VPS13B: variants seen among roughly 807,000 people sequenced by gnomAD.
VPS13B encodes vacuolar protein sorting 13 homolog B.
Under a neutral mutation model 426.4 loss-of-function variants are expected in VPS13B, and 285 were observed. That is an observed-to-expected ratio of 0.67 (90% CI 0.61 to 0.74). The LOEUF (loss-of-function observed/expected upper bound fraction) is 0.74. Ranked by LOEUF, VPS13B falls within the 30% of genes least tolerant of loss-of-function variation. The pLI is 0.00. For missense variants in VPS13B, 4,537 were observed against 4,782.6 expected, an observed-to-expected ratio of 0.95 and a Z score of 1.51; for synonymous variants, 1,676 against 1,676.4, an observed-to-expected ratio of 1.00 and a Z score of 0.01.
chr8:99,561,497 T>G lies in VPS13B; in HGVS notation c.4949+4844T>G, dbSNP rs185624388. 2.7e-3 allele frequency among the ~76,000 whole-genome samples: 415 copies of G among 152,312 alleles called. 1 individual carries two copies. Among genetic ancestry groups the G allele is most frequent in the Non-Finnish European group, 5.0e-3 (341 of 68,026 alleles). On this transcript the variant is annotated intron_variant, in intron 31 of 61. Transcript: ENST00000357162. ...CAACTTTATGATGATGCAAAAATAATAATGCATTCAGTAGAAACTGTACTT... is the reference window on the plus strand; with the variant it reads ...CAACTTTATGATGATGCAAAAATAAGAATGCATTCAGTAGAAACTGTACTT...
In VPS13B at chr8:99,383,501, A is replaced by C. The variant is rs985559190; in HGVS notation, c.2825-707A>C. Among the ~76,000 whole-genome samples, 6 of 152,214 alleles carry C rather than the reference A, an allele frequency of 3.9e-5. No homozygotes were observed. In the East Asian group the frequency reaches 1.2e-3, roughly 29 times the overall value. On this transcript the variant is annotated intron_variant, in intron 19 of 61. Coordinates refer to ENST00000357162, the MANE Select transcript of VPS13B (RefSeq NM_152564.5). Reference sequence around the variant, plus strand: ...TGAGATGTAATTCACTTTCTATACAATTATTTTATATTGTGTGATTCAATG... The same window carrying C: ...TGAGATGTAATTCACTTTCTATACACTTATTTTATATTGTGTGATTCAATG...
chr8:99,866,152 G>C (rs1002020670), intron 58 of VPS13B, among the ~76,000 whole-genome samples: 8 of 152,350 alleles, frequency 5.3e-5, no homozygotes, highest in African/African-American at 1.9e-4. Flanking sequence ...CAGCAGACAA[G>C]TCTTGGGATC....
chr8:99,738,135 A>G (rs1478262218), intron 39 of VPS13B, among the ~76,000 whole-genome samples: 1 of 152,216 alleles, frequency 6.6e-6, no homozygotes, highest in Non-Finnish European at 1.5e-5. Flanking sequence ...AAACATACAT[A>G]AGAGTACATT....
At chr8:99,242,820 T>A (rs1305598662) in intron 17 of VPS13B, among the ~76,000 whole-genome samples, 3 of 152,194 alleles carry the variant, frequency 2.0e-5, no homozygotes, top group Non-Finnish European at 2.9e-5. Flanking sequence ...TTGTAAATAG[T>A]TTGTAATGCC....
chr8:99,028,358 C>T (rs1273090064), intron 2 of VPS13B, among the ~76,000 whole-genome samples: 3 of 150,810 alleles, frequency 2.0e-5, no homozygotes, highest in Non-Finnish European at 4.5e-5. Context: ...CCCCCACCTC[C>T]CTCCCGGATG....
intron 33 of VPS13B, among the ~76,000 whole-genome samples, chr8:99,618,215 A>G (rs1490959691): frequency 1.3e-5 from 2 of 151,698 alleles, no homozygotes; most frequent in Non-Finnish European, 2.9e-5. Context: ...AAGCCTTGAT[A>G]CCAGTAAGCA....
chr8:99,198,846 C>T (rs942901647), intron 17 of VPS13B, among the ~76,000 whole-genome samples: 5 of 151,322 alleles, frequency 3.3e-5, no homozygotes, highest in African/African-American at 1.2e-4. Context: ...GTCTTTTTTC[C>T]CCCCGAGAAC....
chr8:99,265,504 C>T (rs1303498318), intron 17 of VPS13B, among the ~76,000 whole-genome samples: 1 of 152,112 alleles, frequency 6.6e-6, no homozygotes, highest in African/African-American at 2.4e-5. Context: ...TAATTCCCCC[C>T]TTTTAGCATA....
chr8:99,332,199 C>G (rs1810579670), intron 19 of VPS13B, among the ~76,000 whole-genome samples: 1 of 151,550 alleles, frequency 6.6e-6, no homozygotes, highest in African/African-American at 2.4e-5. Context: ...TGTAAAGACT[C>G]ATTGGATCAT....
At chr8:99,539,783 G>T (rs1823459255) in intron 30 of VPS13B, among the ~76,000 whole-genome samples, 1 of 151,224 alleles carries the variant, frequency 6.6e-6, no homozygotes, top group Non-Finnish European at 1.5e-5. Context: ...TAAATAAATT[G>T]GTAATGGAAA....
intron 21 of VPS13B, among the ~76,000 whole-genome samples, chr8:99,403,567 ATGTAAT>A: frequency 6.7e-6 from 1 of 148,854 alleles, no homozygotes; most frequent in South Asian, 2.1e-4. Flanking sequence ...AAAAAAAAAA[ATGTAAT>A]TGAAGAGGAT....
At chr8:99,783,288 A>G (rs1162603697) in intron 42 of VPS13B, among the ~76,000 whole-genome samples, 1 of 152,178 alleles carries the variant, frequency 6.6e-6, no homozygotes, top group African/African-American at 2.4e-5. Context: ...ACATTTTGAC[A>G]TTATTTAGAT....
chr8:99,859,270 G>T lies in VPS13B; in HGVS notation c.10868-34G>T, dbSNP rs376952004. 3.6e-5 allele frequency: 58 copies of T among 1,612,364 alleles called. No individual in the cohort carries two copies. In the African/African-American group the frequency reaches 6.3e-4, roughly 17 times the overall value. Reference sequence around the variant, plus strand: ...AAATGTTGAAAGTTCTGCATTTGAGGTTTCAATCACCCCTTCCCTCTTGTG... The same window carrying T: ...AAATGTTGAAAGTTCTGCATTTGAGTTTTCAATCACCCCTTCCCTCTTGTG... On this transcript the variant is annotated intron_variant, in intron 56 of 61. Transcript: ENST00000357162.
intron 30 of VPS13B, among the ~76,000 whole-genome samples, chr8:99,528,538 G>A (rs998345145): frequency 6.6e-6 from 1 of 151,984 alleles, no homozygotes; most frequent in African/African-American, 2.4e-5. Flanking sequence ...GATAGATTCT[G>A]TATCATAATA....
chr8:99,113,578 T>C (rs1847486991), intron 6 of VPS13B, among the ~76,000 whole-genome samples: 1 of 152,208 alleles, frequency 6.6e-6, no homozygotes. Flanking sequence ...TCTTCTTTTT[T>C]TTTGAGACGG....
At chr8:99,686,341 C>T (rs760177953) in intron 35 of VPS13B, among the ~76,000 whole-genome samples, 18 of 152,080 alleles carry the variant, frequency 1.2e-4, no homozygotes, top group Non-Finnish European at 2.4e-4. Flanking sequence ...TGGGCCTCAC[C>T]CAAGGCTCAT....
At chr8:99,472,420 T>C (rs1326235103) in intron 24 of VPS13B, among the ~76,000 whole-genome samples, 1 of 151,862 alleles carries the variant, frequency 6.6e-6, no homozygotes, top group African/African-American at 2.4e-5. Flanking sequence ...TAGAAAAACT[T>C]TAAATATGTG....
At chr8:99,458,975 T>C (rs1818682627) in intron 23 of VPS13B, among the ~76,000 whole-genome samples, 1 of 152,214 alleles carries the variant, frequency 6.6e-6, no homozygotes, top group Admixed American at 6.5e-5. Context: ...TTTGGTGTTT[T>C]AGTCATGAAG....
intron 24 of VPS13B, among the ~76,000 whole-genome samples, chr8:99,472,508 C>T (rs1781969123): frequency 6.9e-6 from 1 of 144,056 alleles, no homozygotes; most frequent in African/African-American, 2.5e-5. Flanking sequence ...TATTGAATGA[C>T]ACTAAAAAAA....
Sources: allele counts gnomAD v4.1 joint callset (sites outside exome capture counted in the v4.1 genomes callset), GRCh38; gene constraint gnomAD v4.1.1; transcripts MANE v1.5; gene names NCBI Gene and HGNC (gene_info 2026-07-23, HGNC 2026-07-21).